ARHGAP28: variants seen among roughly 807,000 people sequenced by gnomAD.
ARHGAP28 encodes the protein rho GTPase-activating protein 28.
A neutral mutation model predicts 90.7 loss-of-function variants in ARHGAP28; 56 were observed. The ratio of observed to expected loss-of-function variants is 0.62; its 90% CI spans 0.50 to 0.77. ARHGAP28 has a LOEUF of 0.77. Among genes scored for constraint, ARHGAP28 ranks in the 30% least tolerant of loss-of-function variants. ARHGAP28 has a pLI of 0.00. For missense variants in ARHGAP28, 869 were observed against 900.9 expected (o/e 0.96, Z 0.45); for synonymous variants, 308 against 323.3 (o/e 0.95, Z 0.51).
At chr18:6,821,367 A>G (rs971894784) in intron 1 of ARHGAP28, among the ~76,000 whole-genome samples, 2 of 152,232 alleles carry the variant, frequency 1.3e-5, no homozygotes, top group African/African-American at 4.8e-5. Flanking sequence ...GTGTAACACA[A>G]TTGCATTCAA....
chr18:6,889,464 T>C (rs1311156666), intron 12 of ARHGAP28, among the ~76,000 whole-genome samples: 1 of 152,206 alleles, frequency 6.6e-6, no homozygotes, highest in Non-Finnish European at 1.5e-5. Flanking sequence ...AAATTGTAAA[T>C]AGTTTTCAAC....
chr18:6,893,431 C>A (rs1272615445), intron 14 of ARHGAP28, among the ~76,000 whole-genome samples: 1 of 152,188 alleles, frequency 6.6e-6, no homozygotes, highest in Non-Finnish European at 1.5e-5. Flanking sequence ...GGATTTGTAT[C>A]CAGAATTCTA....
chr18:6,856,359 C>T (rs754493601), intron 4 of ARHGAP28, among the ~76,000 whole-genome samples: 27 of 152,160 alleles, frequency 1.8e-4, no homozygotes, highest in Admixed American at 7.9e-4. Flanking sequence ...CAATTCAAAG[C>T]AGCAATGGCC....
At chr18:6,789,636 T>G (rs2056391562) in intron 1 of ARHGAP28, 1 of 152,106 alleles carries the variant, frequency 6.6e-6, no homozygotes, top group African/African-American at 2.4e-5. Flanking sequence ...CCACTAACAA[T>G]TCATACTGGT....
intron 2 of ARHGAP28, among the ~76,000 whole-genome samples, chr18:6,827,204 A>T (rs2056672072): frequency 6.6e-6 from 1 of 152,096 alleles, no homozygotes; most frequent in Admixed American, 6.5e-5. Flanking sequence ...GCTGTTGAGT[A>T]CACCTCCCAG....
At chr18:6,745,820 A>C (rs1190209822) in intron 1 of ARHGAP28, among the ~76,000 whole-genome samples, 1 of 152,178 alleles carries the variant, frequency 6.6e-6, no homozygotes. Context: ...CAGACCATTT[A>C]GTGGTTTTAT....
chr18:6,781,930 G>A (rs2056327487), intron 1 of ARHGAP28, among the ~76,000 whole-genome samples: 1 of 152,156 alleles, frequency 6.6e-6, no homozygotes, highest in African/African-American at 2.4e-5. Flanking sequence ...TCTCCCTGGG[G>A]CAAGTGGTAA....
At chr18:6,771,905 T>G (rs957093694) in intron 1 of ARHGAP28, among the ~76,000 whole-genome samples, 1 of 152,184 alleles carries the variant, frequency 6.6e-6, no homozygotes, top group Non-Finnish European at 1.5e-5. Flanking sequence ...AGAGGAAACA[T>G]ACAAATGATA....
At chr18:6,905,713 G>A (rs2057361402) in intron 16 of ARHGAP28, among the ~76,000 whole-genome samples, 1 of 152,106 alleles carries the variant, frequency 6.6e-6, no homozygotes, top group Non-Finnish European at 1.5e-5. Flanking sequence ...CAGGATACAA[G>A]ATTAACACAC....
At chr18:6,749,691 G>A (rs2056053570) in intron 1 of ARHGAP28, among the ~76,000 whole-genome samples, 1 of 152,012 alleles carries the variant, frequency 6.6e-6, no homozygotes, top group Non-Finnish European at 1.5e-5. Context: ...AGATTTTTGG[G>A]GAATGCTTAG....
chr18:6,900,737 T>C lies in ARHGAP28; in HGVS notation c.2030+4111T>C, dbSNP rs78702873. Among the ~76,000 whole-genome samples, 960 of 151,462 alleles carry C rather than the reference T, an allele frequency of 6.3e-3. 10 individuals are homozygous for C. The highest frequency in any genetic ancestry group is 0.022 in the African/African-American group (895 of 41,228). ...TCCCAAAAGGAAAGGAAATACAGAG[T>C]GAGACTGAAAGAATATTTGAATGAA... On this transcript the variant is annotated intron_variant, in intron 16 of 17. Transcript: ENST00000383472.
At chr18:6,839,572 C>A (rs2056786849) in intron 3 of ARHGAP28, among the ~76,000 whole-genome samples, 1 of 152,198 alleles carries the variant, frequency 6.6e-6, no homozygotes, top group Non-Finnish European at 1.5e-5. Flanking sequence ...GCTGGGATTA[C>A]AGGCGTGAGC....
At chr18:6,761,235 G>T (rs568064159) in intron 1 of ARHGAP28, among the ~76,000 whole-genome samples, 1 of 152,156 alleles carries the variant, frequency 6.6e-6, no homozygotes, top group East Asian at 1.9e-4. Flanking sequence ...TTCTTTTCTT[G>T]ATTTCAGTGA....
chr18:6,738,404 G>A (rs2055946731), intron 1 of ARHGAP28, among the ~76,000 whole-genome samples: 2 of 152,064 alleles, frequency 1.3e-5, no homozygotes, highest in Admixed American at 6.5e-5. Flanking sequence ...CATTTATAAT[G>A]TACAGGGAAA....
intron 1 of ARHGAP28, among the ~76,000 whole-genome samples, chr18:6,740,492 C>A (rs1296108163): frequency 6.6e-6 from 1 of 152,154 alleles, no homozygotes; most frequent in Non-Finnish European, 1.5e-5. Flanking sequence ...GAATCCTAGG[C>A]CCATCTTAGT....
chr18:6,831,314 C>G (rs1383903231), intron 2 of ARHGAP28, among the ~76,000 whole-genome samples: 1 of 151,968 alleles, frequency 6.6e-6, no homozygotes, highest in Non-Finnish European at 1.5e-5. Flanking sequence ...ATTCTTGATA[C>G]AAGTCCTTTG....
At chr18:6,756,789 T>A (rs1202362116) in intron 1 of ARHGAP28, among the ~76,000 whole-genome samples, 1 of 151,826 alleles carries the variant, frequency 6.6e-6, no homozygotes, top group East Asian at 1.9e-4. Context: ...AGTCCAAGAG[T>A]CCAAAAGCCA....
At chr18:6,895,085 C>G (rs1450934788) in intron 15 of ARHGAP28, among the ~76,000 whole-genome samples, 194 bp downstream of exon 15, 1 of 152,132 alleles carries the variant, frequency 6.6e-6, no homozygotes, top group Non-Finnish European at 1.5e-5. Flanking sequence ...CTCCTATACA[C>G]AGCTACAATG....
chr18:6,808,182 T>G (rs2056532538), intron 1 of ARHGAP28, among the ~76,000 whole-genome samples: 2 of 152,200 alleles, frequency 1.3e-5, no homozygotes, highest in Admixed American at 1.3e-4. Flanking sequence ...TTTTCACTCT[T>G]TTTTCTCTGT....
Sources: gnomAD v4.1 joint callset for allele counts (sites outside exome capture counted in the v4.1 genomes callset) on GRCh38, gnomAD v4.1.1 for gene constraint, MANE v1.5 for transcripts, NCBI Gene and HGNC (gene_info 2026-07-23, HGNC 2026-07-21) for gene names.